Variants in LRP2 observed in about 807,000 individuals in gnomAD.
LRP2 encodes the protein low-density lipoprotein receptor-related protein 2.
A neutral mutation model predicts 531.0 loss-of-function variants in LRP2; 172 were observed. The observed-to-expected ratio is 0.32, with a 90% CI of 0.29 to 0.37. LRP2 has a LOEUF of 0.37. Among genes scored for constraint, LRP2 ranks in the 10% least tolerant of loss-of-function variants. LRP2 has a pLI of 1.00. For synonymous variants in LRP2, 1,992 were observed against 2,027.6 expected, an observed-to-expected ratio of 0.98 and a Z score of 0.47; for missense variants, 5,167 against 5,868.3, an observed-to-expected ratio of 0.88 and a Z score of 3.90.
At chr2:169,263,807 T>C (rs1399156512) in intron 16 of LRP2, among the ~76,000 whole-genome samples, 2 of 152,056 alleles carry the variant, frequency 1.3e-5, no homozygotes, top group African/African-American at 4.8e-5. Flanking sequence ...GTATGTTTAT[T>C]GCGGCACTAT....
Position 169,206,159 on chromosome 2 carries a change from C to G in LRP2, c.7420G>C (p.Asp2474His), listed in dbSNP as rs759426521. 5.0e-6 allele frequency: 8 copies of G among 1,614,148 alleles called. No homozygotes were observed. Among genetic ancestry groups the G allele is most frequent in the Non-Finnish European group, 6.8e-6 (8 of 1,180,026 alleles). Residue 2474 changes from aspartate (D) to histidine (H), a missense_variant, in exon 40 of 79, where the codon GAC becomes CAC. This residue lies in a region of LRP2 where 1,129 missense variants were observed against 1,362.7 expected (regional missense o/e 0.83). Coordinates refer to ENST00000649046, the MANE Select transcript of LRP2 (RefSeq NM_004525.3). Reference sequence around the variant, plus strand: ...TAATAAATTCTTCTAGTAATCCAGTCAAAGGCAATGCCATCAGCAGTCCCT... The same window carrying G: ...TAATAAATTCTTCTAGTAATCCAGTGAAAGGCAATGCCATCAGCAGTCCCT... Reference protein sequence around the residue: ...GIGTADGIAFDWITRRIYYSD... With the variant: ...GIGTADGIAFHWITRRIYYSD...
At chr2:169,290,471 T>C (rs1683971927) in intron 8 of LRP2, among the ~76,000 whole-genome samples, 1 of 152,060 alleles carries the variant, frequency 6.6e-6, no homozygotes, top group South Asian at 2.1e-4. Context: ...ATGGAGTCTA[T>C]TTCTTCCATC....
At chr2:169,356,715 A>AAG (rs1415925622) in intron 1 of LRP2, among the ~76,000 whole-genome samples, 1 of 152,224 alleles carries the variant, frequency 6.6e-6, no homozygotes, top group Non-Finnish European at 1.5e-5. Flanking sequence ...GGAACATGTG[A>AAG]AGAACCACAG....
Position 169,154,898 on chromosome 2 carries a change from C to G in LRP2, c.12152-295G>C, listed in dbSNP as rs10191176. ...AAAGCTAGACTGAGAACCCTACGTA[C>G]AGTCCTCATTTTCACTGAATTGTTT... On this transcript the variant is annotated intron_variant, in intron 65 of 78. Transcript: ENST00000649046. 0.025 allele frequency among the ~76,000 whole-genome samples: 3,780 copies of G among 152,264 alleles called. 138 individuals carry two copies. The highest frequency in any genetic ancestry group is 0.082 in the African/African-American group (3,420 of 41,556).
intron 65 of LRP2, among the ~76,000 whole-genome samples, chr2:169,155,689 T>C (rs16856530): frequency 0.79 from 119,423 of 151,742 alleles, 47,456 homozygotes; most frequent in African/African-American, 0.88. Context: ...TCTGTTTTAT[T>C]AGGCCCGATT....
intron 40 of LRP2, 51 bp from the exon 41 acceptor site, chr2:169,205,688 CTT>C: frequency 1.3e-6 from 2 of 1,489,808 alleles, no homozygotes; most frequent in Admixed American, 3.5e-5. Context: ...CCTCATAGTC[CTT>C]TAAAAAAAAA....
chr2:169,192,158 T>A, intron 47 of LRP2, 125 bp from the exon 48 acceptor site: 1 of 611,648 alleles, frequency 1.6e-6, no homozygotes, highest in Non-Finnish European at 2.8e-6. Flanking sequence ...CGTAGACAAA[T>A]TACACTGCTA....
At chr2:169,294,982 G>C (rs1332693430) in intron 4 of LRP2, among the ~76,000 whole-genome samples, 1 of 152,208 alleles carries the variant, frequency 6.6e-6, no homozygotes, top group African/African-American at 2.4e-5. Context: ...GCATAGCAGA[G>C]AGATTTGGGG....
At chr2:169,131,850 G>T (rs1483100639) in intron 77 of LRP2, among the ~76,000 whole-genome samples, 3 of 152,312 alleles carry the variant, frequency 2.0e-5, no homozygotes, top group African/African-American at 7.2e-5. Flanking sequence ...GCTATATCTG[G>T]TATAGCTGCA....
chr2:169,206,760 G>A lies in LRP2; in HGVS notation c.6960C>T (p.Ile2320=). ...AGATGGTCACATCTCTTAGCCAGTT[G>A]ATATTGTCTCTTATCACTGTGGGTG... ...TEPPTVIRDN[I]NWLRDVTIFD... The change falls in exon 39 of 79, where the codon ATC becomes ATT. Residue 2320 remains isoleucine (I), a synonymous_variant. Transcript: ENST00000649046. 1.2e-6 allele frequency: 2 copies of A among 1,614,158 alleles called. No homozygotes were observed. Among genetic ancestry groups the A allele is most frequent in the Non-Finnish European group, 1.7e-6 (2 of 1,180,024 alleles).
At chr2:169,341,881 C>A (rs1224938004) in intron 1 of LRP2, among the ~76,000 whole-genome samples, 2 of 152,056 alleles carry the variant, frequency 1.3e-5, no homozygotes, top group East Asian at 3.8e-4. Context: ...CAATAGCATC[C>A]CTTTCTGCCT....
Position 169,290,836 on chromosome 2 carries a change from T to C in LRP2, c.922+9A>G. The C allele has an allele frequency of 1.2e-6, 2 of 1,613,738 alleles. No homozygotes were observed. The highest frequency in any genetic ancestry group is 1.7e-6 in the Non-Finnish European group (2 of 1,179,708). ...TCTGAAAGCTACCCAGGTAAATGTCTATACTCACTACAGTATTTTCCGGTA... is the reference window on the plus strand; with the variant it reads ...TCTGAAAGCTACCCAGGTAAATGTCCATACTCACTACAGTATTTTCCGGTA... On this transcript the variant is annotated intron_variant, in intron 8 of 78. Coordinates refer to ENST00000649046, the MANE Select transcript of LRP2 (RefSeq NM_004525.3).
In LRP2 at chr2:169,260,774, G is replaced by A. The variant is rs190119716; in HGVS notation, c.2321-1557C>T. The stretch of plus-strand genomic sequence containing the variant: ...GATAGTAATCAAAGGCAGGAAAGGT[G>A]TGAAATTATTCAGAGAGAGGAGGAC... On this transcript the variant is annotated intron_variant, in intron 16 of 78. Coordinates refer to ENST00000649046, the MANE Select transcript of LRP2 (RefSeq NM_004525.3). Among the ~76,000 whole-genome samples the A allele has an allele frequency of 6.2e-4, 94 of 152,026 alleles. 1 individual carries two copies. The highest frequency in any genetic ancestry group is 2.1e-3 in the African/African-American group (87 of 41,512).
chr2:169,273,777 G>A (rs1683483082), intron 14 of LRP2, among the ~76,000 whole-genome samples: 1 of 152,078 alleles, frequency 6.6e-6, no homozygotes, highest in African/African-American at 2.4e-5. Flanking sequence ...ATCTTCTCAG[G>A]TGGATTGATT....
rs764483846 is a variant in LRP2 at position 169,152,888 on chromosome 2, T to A, written c.12372A>T (p.Glu4124Asp). Residue 4124 changes from glutamate (E) to aspartate (D), a missense_variant, in exon 67 of 79, where the codon GAA becomes GAT. This residue lies in a region of LRP2 where 564 missense variants were observed against 747.7 expected (regional missense o/e 0.75). Coordinates refer to ENST00000649046, the MANE Select transcript of LRP2 (RefSeq NM_004525.3). ...AIKRAYIPNF[E>D]SGRNNLVQEV... is the part of the protein sequence containing the mutation. ...CCTGCACAAGATTATTGCGGCCGGA[T>A]TCAAAGTTGGGGATGTAGGCACGTT... 1.9e-6 allele frequency: 3 copies of A among 1,614,076 alleles called. No individual in the cohort carries two copies. The Admixed American group carries it at 5.0e-5, about 27-fold the overall frequency.
At chr2:169,349,458 T>G (rs1574280261) in intron 1 of LRP2, among the ~76,000 whole-genome samples, 1 of 151,868 alleles carries the variant, frequency 6.6e-6, no homozygotes, top group Middle Eastern at 3.4e-3. Flanking sequence ...GTCAGGGAGG[T>G]GATGTGAAGG....
intron 33 of LRP2, among the ~76,000 whole-genome samples, chr2:169,223,402 A>C (rs2268369): frequency 0.54 from 82,478 of 151,984 alleles, 23,611 homozygotes; most frequent in South Asian, 0.76. Context: ...ATCAAGAGAC[A>C]AAGAGATAAA....
chr2:169,158,061 TACACAC>T (rs61381788), intron 63 of LRP2, among the ~76,000 whole-genome samples: 36 of 141,386 alleles, frequency 2.5e-4, no homozygotes, highest in East Asian at 4.1e-4. Context: ...ATTGATTATA[TACACAC>T]ACACACACAC....
At position 169,331,327 on chromosome 2, in the gene LRP2, C is replaced by CT. The variant is rs570782944; in HGVS notation, c.80-10444dup. The stretch of plus-strand genomic sequence containing the variant: ...AATTAAAAATATAAATTGACAATCA[C>CT]TTAAGCGCTCAAACATTCAAAAGAA... On this transcript the variant is annotated intron_variant, in intron 1 of 78. Coordinates refer to ENST00000649046, the MANE Select transcript of LRP2 (RefSeq NM_004525.3). Among the ~76,000 whole-genome samples the CT allele has an allele frequency of 2.6e-3, 395 of 152,354 alleles. 1 individual carries two copies. The highest frequency in any genetic ancestry group is 9.3e-3 in the African/African-American group (386 of 41,590).
Sources: gnomAD v4.1 joint callset for allele counts (sites outside exome capture counted in the v4.1 genomes callset) on GRCh38, gnomAD v4.1.1 for gene constraint, gnomAD v4.1.1 regional missense constraint, MANE v1.5 for transcripts, NCBI Gene and HGNC (gene_info 2026-07-23, HGNC 2026-07-21) for gene names.